Variants in DENND1A observed in about 807,000 individuals in gnomAD.
DENND1A encodes the protein DENN domain-containing protein 1A.
A neutral mutation model predicts 113.7 loss-of-function variants in DENND1A; 51 were observed. That is an observed-to-expected ratio of 0.45 (90% CI 0.36 to 0.57). The LOEUF is 0.57. Among genes scored for constraint, DENND1A ranks in the 20% least tolerant of loss-of-function variants. DENND1A has a pLI of 0.00. For missense variants in DENND1A, 1,258 were observed against 1,395.9 expected (o/e 0.90, Z 1.57); for synonymous variants, 565 against 570.8 (o/e 0.99, Z 0.14).
At chr9:123,578,608 A>T (rs1428128212) in intron 12 of DENND1A, among the ~76,000 whole-genome samples, 2 of 152,214 alleles carry the variant, frequency 1.3e-5, no homozygotes, top group Non-Finnish European at 2.9e-5. Flanking sequence ...CATCTACCAT[A>T]ATAACCCAAT....
At chr9:123,648,261 A>G (rs1048534561) in intron 9 of DENND1A, among the ~76,000 whole-genome samples, 2 of 152,178 alleles carry the variant, frequency 1.3e-5, no homozygotes, top group Admixed American at 6.5e-5. Flanking sequence ...TTCTTTGTAG[A>G]GACAGGGCTC....
chr9:123,536,296 C>T (rs1301690512), intron 13 of DENND1A, among the ~76,000 whole-genome samples: 1 of 152,034 alleles, frequency 6.6e-6, no homozygotes, highest in East Asian at 1.9e-4. Context: ...ATTGTGAAAC[C>T]TCGTCTCTAC....
chr9:123,572,466 T>A (rs1453672727), intron 12 of DENND1A, among the ~76,000 whole-genome samples: 1 of 152,200 alleles, frequency 6.6e-6, no homozygotes, highest in Non-Finnish European at 1.5e-5. Flanking sequence ...AGTAAACATA[T>A]GTTTAAAATA....
At chr9:123,424,256 C>T (rs1181885029) in intron 19 of DENND1A, among the ~76,000 whole-genome samples, 4 of 152,168 alleles carry the variant, frequency 2.6e-5, no homozygotes, top group Admixed American at 6.5e-5. Context: ...AGGGACATCC[C>T]TTCCTCACGG....
chr9:123,614,520 A>T (rs764415899), intron 10 of DENND1A, among the ~76,000 whole-genome samples: 3 of 152,288 alleles, frequency 2.0e-5, no homozygotes, highest in Middle Eastern at 3.4e-3. Context: ...GGCTCTGTTA[A>T]TCATGTTCCC....
intron 19 of DENND1A, chr9:123,413,262 C>T (rs1055949100): frequency 3.0e-5 from 10 of 336,416 alleles, no homozygotes; most frequent in African/African-American, 1.3e-4. Context: ...ATGTCAGACG[C>T]CTCAGTAATA....
At chr9:123,841,713 G>A (rs907894856) in intron 2 of DENND1A, among the ~76,000 whole-genome samples, 4 of 152,188 alleles carry the variant, frequency 2.6e-5, no homozygotes, top group Non-Finnish European at 5.9e-5. Context: ...TGCAGGGTGG[G>A]TGGGGGAAGG....
chr9:123,900,489 C>T (rs1227950594), intron 1 of DENND1A, among the ~76,000 whole-genome samples: 4 of 152,136 alleles, frequency 2.6e-5, no homozygotes, highest in Admixed American at 6.5e-5. Flanking sequence ...AGGGGATGCT[C>T]GCTTAAGGGT....
intron 2 of DENND1A, among the ~76,000 whole-genome samples, chr9:123,836,918 T>TA (rs1841134474): frequency 2.0e-5 from 3 of 152,198 alleles, no homozygotes; most frequent in Non-Finnish European, 4.4e-5. Context: ...ACAATACAAC[T>TA]ACATTTGTTA....
intron 3 of DENND1A, among the ~76,000 whole-genome samples, chr9:123,783,140 G>T (rs1380282315): frequency 6.6e-6 from 1 of 152,110 alleles, no homozygotes; most frequent in Non-Finnish European, 1.5e-5. Flanking sequence ...TCAACATATA[G>T]ATTTCACAAC....
intron 2 of DENND1A, among the ~76,000 whole-genome samples, chr9:123,811,984 G>A (rs1354972346): frequency 1.3e-5 from 2 of 152,188 alleles, no homozygotes; most frequent in Non-Finnish European, 2.9e-5. Flanking sequence ...ATCATAGAGT[G>A]TACTTAACAA....
At chr9:123,715,788 C>G (rs1196446431) in intron 5 of DENND1A, among the ~76,000 whole-genome samples, 1 of 152,062 alleles carries the variant, frequency 6.6e-6, no homozygotes, top group Non-Finnish European at 1.5e-5. Flanking sequence ...GTGATCCTCT[C>G]AACTCAGCCT....
At chr9:123,415,012 G>A (rs1349583578) in intron 19 of DENND1A, among the ~76,000 whole-genome samples, 1 of 152,162 alleles carries the variant, frequency 6.6e-6, no homozygotes, top group African/African-American at 2.4e-5. Context: ...ATTTTCTTTT[G>A]CTTGTCCTCG....
intron 9 of DENND1A, among the ~76,000 whole-genome samples, chr9:123,636,753 T>G (rs1055811862): frequency 6.9e-6 from 1 of 145,524 alleles, no homozygotes; most frequent in Admixed American, 7.1e-5. Flanking sequence ...CAGGCTGGAG[T>G]GCAATGGCGC....
At chr9:123,713,461 G>C (rs1488226009) in intron 5 of DENND1A, among the ~76,000 whole-genome samples, 1 of 152,218 alleles carries the variant, frequency 6.6e-6, no homozygotes, top group Non-Finnish European at 1.5e-5. Context: ...AATCACTTAA[G>C]AGACATCTGT....
chr9:123,835,579 C>A (rs924336372), intron 2 of DENND1A, among the ~76,000 whole-genome samples: 2 of 151,238 alleles, frequency 1.3e-5, no homozygotes, highest in Non-Finnish European at 2.9e-5. Context: ...AAGTCTAGTT[C>A]ATCTAGACCC....
chr9:123,867,358 A>C (rs1426764623), intron 2 of DENND1A, among the ~76,000 whole-genome samples: 1 of 152,224 alleles, frequency 6.6e-6, no homozygotes, highest in African/African-American at 2.4e-5. Flanking sequence ...GTGAACACTC[A>C]AAGAATAGGT....
chr9:123,796,294 T>C (rs915265732), intron 2 of DENND1A, among the ~76,000 whole-genome samples: 1 of 152,112 alleles, frequency 6.6e-6, no homozygotes, highest in Non-Finnish European at 1.5e-5. Flanking sequence ...AGCATTTCCA[T>C]ATTTGAACAC....
chr9:123,500,898 T>C (rs2052421957), intron 13 of DENND1A, among the ~76,000 whole-genome samples: 1 of 152,228 alleles, frequency 6.6e-6, no homozygotes, highest in African/African-American at 2.4e-5. Context: ...TAATGTCTAC[T>C]AACTTTCTTT....
Sources: gnomAD v4.1 joint callset for allele counts (sites outside exome capture counted in the v4.1 genomes callset) on GRCh38, gnomAD v4.1.1 for gene constraint, MANE v1.5 for transcripts, NCBI Gene and HGNC (gene_info 2026-07-23, HGNC 2026-07-21) for gene names.